Variants in STAG2 observed in about 807,000 individuals in gnomAD.
STAG2 encodes STAG2 cohesin complex component.
Under a neutral mutation model 108.1 loss-of-function variants are expected in STAG2, and 14 were observed. That is an observed-to-expected ratio of 0.13 (90% CI 0.09 to 0.20). The LOEUF is 0.20. Among genes scored for constraint, STAG2 ranks in the 10% least tolerant of loss-of-function variants. The pLI, the probability that STAG2 is intolerant of heterozygous loss-of-function variation, is 1.00. For synonymous variants in STAG2, 307 were observed against 302.7 expected, an observed-to-expected ratio of 1.01 and a Z score of -0.15; for missense variants, 440 against 940.9, an observed-to-expected ratio of 0.47 and a Z score of 6.96.
At position 123,991,346 on chromosome X, in the gene STAG2, A is replaced by G. The variant is rs2055448836; in HGVS notation, c.-163+29490A>G. Among the ~76,000 whole-genome samples, 5 of 110,954 alleles carry G rather than the reference A, an allele frequency of 4.5e-5. No homozygotes were observed. In the South Asian group the frequency reaches 1.9e-3, roughly 42 times the overall value. ...TTCTTGTCATTTTCCACTAAGTAAT[A>G]TGGTATAACAATTTTTTTTTTTTTG... On this transcript the variant is annotated intron_variant, in intron 1 of 34. Coordinates refer to ENST00000371145, the MANE Select transcript of STAG2 (RefSeq NM_001042750.2).
intron 25 of STAG2, among the ~76,000 whole-genome samples, chrX:124,073,545 C>G (rs2058726942): frequency 9.0e-6 from 1 of 111,385 alleles, no homozygotes. Context: ...ACCTCAGTCT[C>G]TGGAGTAGCT....
Position 123,961,781 on chromosome X carries a change from T to G in STAG2, c.-238T>G, listed in dbSNP as rs960803632. 3.8e-5 allele frequency: 4 copies of G among 105,108 alleles called. No homozygotes were observed. Among genetic ancestry groups the G allele is most frequent in the Non-Finnish European group, 7.8e-5 (4 of 51,212 alleles). The allele number at this position is 105,108 out of a possible 1,213,427, so 8.7% of individuals were successfully genotyped here. A position where few individuals can be genotyped will look rare whatever the true frequency, so the allele number is the denominator to read the frequency against. ...TCTGCTTCTCCCCCGCCCCATCATC[T>G]CCAGCGCGTGGTGGGGGAACTGCTG... On this transcript the variant is annotated 5_prime_UTR_variant, in exon 1 of 35. Coordinates refer to ENST00000371145, the MANE Select transcript of STAG2 (RefSeq NM_001042750.2).
chrX:124,077,212 A>C (rs188255477), intron 26 of STAG2, among the ~76,000 whole-genome samples: 1 of 110,160 alleles, frequency 9.1e-6, no homozygotes, highest in African/African-American at 3.3e-5. Flanking sequence ...ATTGAAAATT[A>C]TTTTGGAACT....
chrX:123,983,010 TG>T (rs2054963954), intron 1 of STAG2, among the ~76,000 whole-genome samples: 1 of 111,650 alleles, frequency 9.0e-6, no homozygotes, highest in South Asian at 3.7e-4. Context: ...CCATCAGTGC[TG>T]TGATACGTGG....
intron 1 of STAG2, among the ~76,000 whole-genome samples, chrX:123,988,315 A>G (rs183997353): frequency 1.8e-5 from 2 of 111,580 alleles, no homozygotes; most frequent in African/African-American, 6.5e-5. Flanking sequence ...GCATTTTACC[A>G]TGGAGTTTCA....
At chrX:123,966,135 G>C (rs1465422209) in intron 1 of STAG2, among the ~76,000 whole-genome samples, 1 of 111,339 alleles carries the variant, frequency 9.0e-6, no homozygotes, top group Non-Finnish European at 1.9e-5. Flanking sequence ...GATTGTTGGA[G>C]AGTAAGGAAG....
chrX:123,991,193 A>G (rs1484512814), intron 1 of STAG2, among the ~76,000 whole-genome samples: 1 of 112,142 alleles, frequency 8.9e-6, no homozygotes, highest in Non-Finnish European at 1.9e-5. Context: ...TCATATACCT[A>G]TCACCTAGAT....
At chrX:124,066,307 A>G (rs2058527635) in intron 22 of STAG2, 45 bp downstream of exon 22, 2 of 1,185,616 alleles carry the variant, frequency 1.7e-6, no homozygotes, top group Non-Finnish European at 2.3e-6. Flanking sequence ...TGAAAAGTGA[A>G]GTCTTGTGAC....
At chrX:124,047,205 G>C (rs2057903735) in intron 8 of STAG2, 149 bp from the exon 9 acceptor site, 1 of 440,332 alleles carries the variant, frequency 2.3e-6, no homozygotes, top group African/African-American at 2.5e-5. Flanking sequence ...TTTATTTTAT[G>C]TTATTTTATT....
intron 15 of STAG2, among the ~76,000 whole-genome samples, chrX:124,059,002 T>C (rs1603066076): frequency 8.9e-6 from 1 of 111,859 alleles, no homozygotes; most frequent in South Asian, 3.8e-4. Flanking sequence ...TCTTGCCTTA[T>C]TGAATTGTCT....
At chrX:124,034,732 CTCTTA>C (rs1266816048) in intron 5 of STAG2, among the ~76,000 whole-genome samples, 8 of 111,252 alleles carry the variant, frequency 7.2e-5, no homozygotes, top group African/African-American at 2.0e-4. Context: ...GTGTTTTTTA[CTCTTA>C]TCTTTTCATT....
rs190590388 is a variant in STAG2 at position 124,017,574 on chromosome X, C to T, written c.-162-3793C>T. On this transcript the variant is annotated intron_variant, in intron 1 of 34. Transcript: ENST00000371145. ...GGAAAAAAATTAAATCATATCAAAGCAAGATATTAGGATGTTTTGTGTGTG... is the reference window on the plus strand; with the variant it reads ...GGAAAAAAATTAAATCATATCAAAGTAAGATATTAGGATGTTTTGTGTGTG... Among the ~76,000 whole-genome samples, 385 of 111,361 alleles carry T rather than the reference C, an allele frequency of 3.5e-3. 1 individual carries two copies. The highest frequency in any genetic ancestry group is 0.012 in the African/African-American group (357 of 30,569).
chrX:124,011,055 C>T (rs1004061099), intron 1 of STAG2, among the ~76,000 whole-genome samples: 5 of 111,343 alleles, frequency 4.5e-5, no homozygotes, highest in Admixed American at 1.9e-4. Flanking sequence ...TTTGTGTCAT[C>T]TTTCATTTCA....
intron 17 of STAG2, among the ~76,000 whole-genome samples, chrX:124,062,303 A>G (rs2058404617): frequency 8.9e-6 from 1 of 112,315 alleles, no homozygotes; most frequent in African/African-American, 3.2e-5. Context: ...TTTTATACCA[A>G]CAATTCCACA....
At chrX:124,003,888 T>G (rs778481403) in intron 1 of STAG2, 1 of 112,014 alleles carries the variant, frequency 8.9e-6, no homozygotes, top group Non-Finnish European at 1.9e-5. Context: ...TTAATATATT[T>G]TAATACACTA....
intron 6 of STAG2, 125 bp from the exon 7 acceptor site, chrX:124,042,444 G>T (rs2057748113): frequency 2.2e-6 from 1 of 445,059 alleles, no homozygotes; most frequent in South Asian, 4.2e-5. Flanking sequence ...ATTATTAGAT[G>T]ATGGTTGAAG....
At chrX:123,993,500 G>A (rs2055580306) in intron 1 of STAG2, among the ~76,000 whole-genome samples, 1 of 110,520 alleles carries the variant, frequency 9.0e-6, no homozygotes, top group Admixed American at 9.7e-5. Flanking sequence ...GCTTCTTAAG[G>A]ACATTCTGGG....
intron 1 of STAG2, among the ~76,000 whole-genome samples, chrX:124,020,158 A>G (rs2056876982): frequency 8.9e-6 from 1 of 112,474 alleles, no homozygotes; most frequent in Non-Finnish European, 1.9e-5. Flanking sequence ...AGAATCCAGT[A>G]TATCGCACAA....
chrX:124,061,208 T>C lies in STAG2; in HGVS notation c.1417-16T>C, dbSNP rs777868706. 8.7e-7 allele frequency: 1 copy of C among 1,153,380 alleles called. No homozygotes were observed. The highest frequency in any genetic ancestry group is 1.2e-6 in the Non-Finnish European group (1 of 852,138). On this transcript the variant is annotated splice_polypyrimidine_tract_variant and intron_variant, in intron 15 of 34. Coordinates refer to ENST00000371145, the MANE Select transcript of STAG2 (RefSeq NM_001042750.2). ...TGATAATTGTCTAAGACCACATTGCTCTTTTTAAATTTTAGTTACATGAGC... is the reference window on the plus strand; with the variant it reads ...TGATAATTGTCTAAGACCACATTGCCCTTTTTAAATTTTAGTTACATGAGC...
Sources: allele counts gnomAD v4.1 joint callset (sites outside exome capture counted in the v4.1 genomes callset), GRCh38; gene constraint gnomAD v4.1.1; transcripts MANE v1.5; gene names NCBI Gene and HGNC (gene_info 2026-07-23, HGNC 2026-07-21).